The following ADAMTS3 variants were observed in gnomAD, a reference collection of about 807,000 sequenced individuals.
ADAMTS3 encodes the protein A disintegrin and metalloproteinase with thrombospondin motifs 3.
ADAMTS3 carries 73 observed loss-of-function variants against 129.0 expected under a neutral mutation model. That is an observed-to-expected ratio of 0.57 (90% CI 0.47 to 0.69). The LOEUF (loss-of-function observed/expected upper bound fraction) is 0.69, where lower values mean the gene tolerates loss of function less well. ADAMTS3 is among the 30% of genes least tolerant of loss of function. The pLI is 0.00. For synonymous variants in ADAMTS3, 477 were observed against 510.8 expected (o/e 0.93, Z 0.89); for missense variants, 1,457 against 1,514.5 (o/e 0.96, Z 0.63).
intron 3 of ADAMTS3, among the ~76,000 whole-genome samples, chr4:72,442,765 A>T (rs1578683467): frequency 6.6e-6 from 1 of 151,836 alleles, no homozygotes; most frequent in Non-Finnish European, 1.5e-5. Flanking sequence ...CATTACATGA[A>T]AAAGCTTACC....
At chr4:72,494,976 T>C (rs557059638) in intron 3 of ADAMTS3, among the ~76,000 whole-genome samples, 1 of 152,282 alleles carries the variant, frequency 6.6e-6, no homozygotes, top group East Asian at 1.9e-4. Flanking sequence ...GGTCCTCTAG[T>C]TCTCCTTTTC....
chr4:72,300,030 C>T (rs1056540003), intron 17 of ADAMTS3, among the ~76,000 whole-genome samples: 4 of 152,096 alleles, frequency 2.6e-5, no homozygotes, highest in African/African-American at 9.7e-5. Context: ...TTTAGAACTA[C>T]CTTTTGTTTG....
intron 3 of ADAMTS3, among the ~76,000 whole-genome samples, chr4:72,439,414 C>T (rs1718052591): frequency 6.6e-6 from 1 of 151,628 alleles, no homozygotes; most frequent in South Asian, 2.1e-4. Flanking sequence ...ACCTTTATTT[C>T]CTTTTAAATA....
intron 3 of ADAMTS3, among the ~76,000 whole-genome samples, chr4:72,455,493 G>A (rs1373253042): frequency 2.6e-5 from 4 of 151,276 alleles, no homozygotes; most frequent in Admixed American, 1.3e-4. Flanking sequence ...AACTATGGGA[G>A]CGATAGCATT....
At chr4:72,453,518 T>G (rs1186388669) in intron 3 of ADAMTS3, among the ~76,000 whole-genome samples, 1 of 151,728 alleles carries the variant, frequency 6.6e-6, no homozygotes, top group East Asian at 2.0e-4. Context: ...AAAGGTTACA[T>G]CACTTGCCAT....
intron 4 of ADAMTS3, among the ~76,000 whole-genome samples, chr4:72,392,461 T>A (rs1018176315): frequency 1.5e-4 from 23 of 152,228 alleles, no homozygotes; most frequent in African/African-American, 5.3e-4. Flanking sequence ...GGGAATATTA[T>A]ATGCATACAT....
intron 3 of ADAMTS3, among the ~76,000 whole-genome samples, chr4:72,533,673 A>ATATG (rs1164175826): frequency 0.014 from 2,063 of 150,136 alleles, no homozygotes; most frequent in Middle Eastern, 0.021. Flanking sequence ...GTATATGCAC[A>ATATG]TATATGCACA....
intron 4 of ADAMTS3, among the ~76,000 whole-genome samples, chr4:72,343,907 A>G (rs939174924): frequency 6.6e-6 from 1 of 152,148 alleles, no homozygotes; most frequent in Non-Finnish European, 1.5e-5. Flanking sequence ...CTTTTTTAAA[A>G]CTTTTTAGGA....
intron 4 of ADAMTS3, among the ~76,000 whole-genome samples, chr4:72,380,088 G>A (rs1291042030): frequency 6.6e-6 from 1 of 152,118 alleles, no homozygotes; most frequent in Non-Finnish European, 1.5e-5. Flanking sequence ...AGGGTATTAT[G>A]TAATTCTAAT....
intron 5 of ADAMTS3, among the ~76,000 whole-genome samples, chr4:72,326,672 C>T (rs1719707201): frequency 6.6e-6 from 1 of 152,166 alleles, no homozygotes; most frequent in South Asian, 2.1e-4. Context: ...ACTTGAGCTC[C>T]TATCCCCCAT....
intron 4 of ADAMTS3, among the ~76,000 whole-genome samples, chr4:72,407,424 T>C (rs150567120): frequency 6.6e-6 from 1 of 152,292 alleles, no homozygotes; most frequent in Non-Finnish European, 1.5e-5. Flanking sequence ...GGCTTAGACA[T>C]GGCTTTTATC....
At chr4:72,332,222 T>C (rs895497086) in intron 5 of ADAMTS3, among the ~76,000 whole-genome samples, 3 of 151,204 alleles carry the variant, frequency 2.0e-5, no homozygotes, top group Non-Finnish European at 4.4e-5. Flanking sequence ...TTCAATGTTT[T>C]CAAAAAAGTT....
At chr4:72,403,786 G>C (rs59482570) in intron 4 of ADAMTS3, among the ~76,000 whole-genome samples, 9,390 of 151,844 alleles carry the variant, frequency 0.062, 998 homozygotes, top group African/African-American at 0.22. Flanking sequence ...TGAACACATA[G>C]GGTTTCTGCA....
intron 4 of ADAMTS3, among the ~76,000 whole-genome samples, chr4:72,388,132 G>A (rs1384021828): frequency 6.6e-6 from 1 of 152,182 alleles, no homozygotes. Flanking sequence ...AAATGCTGAT[G>A]TGACAAATCC....
chr4:72,346,126 A>G (rs1443112865), intron 4 of ADAMTS3, among the ~76,000 whole-genome samples: 1 of 152,092 alleles, frequency 6.6e-6, no homozygotes, highest in East Asian at 1.9e-4. Flanking sequence ...AAATGGTTAC[A>G]CCAATTCTAG....
chr4:72,428,646 C>T (rs893838831), intron 3 of ADAMTS3, among the ~76,000 whole-genome samples: 4 of 152,014 alleles, frequency 2.6e-5, no homozygotes, highest in African/African-American at 9.7e-5. Context: ...GAAACCCTAG[C>T]TTGGTTGATA....
At chr4:72,425,384 G>T (rs1311121577) in intron 3 of ADAMTS3, among the ~76,000 whole-genome samples, 15 of 151,898 alleles carry the variant, frequency 9.9e-5, no homozygotes, top group Admixed American at 9.8e-4. Flanking sequence ...TGCACAATGT[G>T]CAGGTTAGTT....
intron 4 of ADAMTS3, among the ~76,000 whole-genome samples, chr4:72,349,953 T>C (rs1720385342): frequency 6.6e-6 from 1 of 152,074 alleles, no homozygotes; most frequent in African/African-American, 2.4e-5. Flanking sequence ...TTTTATATCA[T>C]ACACAGTTAA....
chr4:72,471,769 TAAC>T (rs1242540508), intron 3 of ADAMTS3, among the ~76,000 whole-genome samples: 2 of 152,240 alleles, frequency 1.3e-5, no homozygotes, highest in East Asian at 3.9e-4. Context: ...AAGTTTATTA[TAAC>T]TACTGTAAAA....
Sources: gnomAD v4.1 joint callset for allele counts (sites outside exome capture counted in the v4.1 genomes callset) on GRCh38, gnomAD v4.1.1 for gene constraint, MANE v1.5 for transcripts, NCBI Gene and HGNC (gene_info 2026-07-23, HGNC 2026-07-21) for gene names.